The following RNF10 variants were observed in gnomAD, a reference collection of about 807,000 sequenced individuals.
RNF10 encodes the protein E3 ubiquitin-protein ligase RNF10.
A neutral mutation model predicts 91.4 loss-of-function variants in RNF10; 38 were observed. That is an observed-to-expected ratio of 0.42 (90% CI 0.32 to 0.54). RNF10 has a LOEUF of 0.54. Ranked by LOEUF, RNF10 falls within the 20% of genes least tolerant of loss-of-function variation. The pLI is 0.16. For synonymous variants in RNF10, 364 were observed against 366.3 expected (o/e 0.99, Z 0.07); for missense variants, 945 against 1,012.0 (o/e 0.93, Z 0.90).
rs552074205 is a variant in RNF10, at chr12:120,576,286, TGACTA to T, written c.2360-300_2360-296del. On this transcript the variant is annotated intron_variant, in intron 16 of 16. Coordinates refer to ENST00000325954, the MANE Select transcript of RNF10 (RefSeq NM_014868.5). ...CTCGAAGCCTGTTGCACTCTGTTCA[TGACTA>T]GACAAGAATCACATATGTATGGCGT... is the stretch of plus-strand genomic sequence containing the variant. Among the ~76,000 whole-genome samples, 753 of 152,362 alleles carry T rather than the reference TGACTA, an allele frequency of 4.9e-3. 3 individuals are homozygous for T. Among genetic ancestry groups the T allele is most frequent in the Middle Eastern group, 0.01 (3 of 294 alleles).
chr12:120,558,447 TATTA>T (rs1272818013), intron 6 of RNF10, among the ~76,000 whole-genome samples: 1 of 151,048 alleles, frequency 6.6e-6, no homozygotes, highest in East Asian at 1.9e-4. Context: ...TAAAAATGTG[TATTA>T]ATTAAAAAAA....
intron 4 of RNF10, among the ~76,000 whole-genome samples, chr12:120,556,134 T>C (rs551011560): frequency 1.3e-5 from 2 of 152,258 alleles, no homozygotes; most frequent in South Asian, 4.1e-4. Context: ...ACTGAAGTTA[T>C]AAACTCTAGG....
At position 120,575,906 on chromosome 12, in the gene RNF10, C is replaced by T; in HGVS notation, c.2315C>T (p.Ala772Val). The part of the protein sequence containing the change: ...QNSFSQAIEA[A>V]FMKLDTPATS... The stretch of plus-strand genomic sequence containing the variant: ...TCCTTCAGCCAAGCTATTGAAGCAG[C>T]CTTCATGAAACTGGACACACCAGCT... Residue 772 changes from alanine to valine, a missense_variant, in exon 16 of 17, where the codon GCC (alanine) becomes GTC (valine). Coordinates refer to ENST00000325954, the MANE Select transcript of RNF10 (RefSeq NM_014868.5). The T allele has an allele frequency of 6.2e-7, 1 of 1,614,114 alleles. No homozygotes were observed. Among genetic ancestry groups the T allele is most frequent in the Non-Finnish European group, 8.5e-7 (1 of 1,180,028 alleles).
intron 14 of RNF10, among the ~76,000 whole-genome samples, chr12:120,573,066 T>C (rs1296901855): frequency 6.6e-6 from 1 of 152,192 alleles, no homozygotes; most frequent in Non-Finnish European, 1.5e-5. Context: ...GCTTTCTCTT[T>C]TTTCTGTGTT....
intron 7 of RNF10, among the ~76,000 whole-genome samples, chr12:120,561,460 A>G (rs888779715): frequency 6.6e-6 from 1 of 152,150 alleles, no homozygotes; most frequent in African/African-American, 2.4e-5. Flanking sequence ...TAGGCTCAGT[A>G]ATTTGCATAT....
At chr12:120,542,863 A>G (rs1026378933) in intron 1 of RNF10, among the ~76,000 whole-genome samples, 2 of 152,098 alleles carry the variant, frequency 1.3e-5, no homozygotes, top group Non-Finnish European at 2.9e-5. Flanking sequence ...AATTGTAACT[A>G]AGGTAAGGGT....
intron 10 of RNF10, 37 bp downstream of exon 10, chr12:120,563,980 A>C (rs1363976079): frequency 6.2e-7 from 1 of 1,613,056 alleles, no homozygotes; most frequent in African/African-American, 1.3e-5. Context: ...GTCAGGCAGC[A>C]GTATTAACCT....
chr12:120,560,123 A>G (rs1459132205), intron 6 of RNF10, among the ~76,000 whole-genome samples: 1 of 144,904 alleles, frequency 6.9e-6, no homozygotes, highest in African/African-American at 2.5e-5. Flanking sequence ...GGTTGGTTTG[A>G]GCTTTTCTTT....
rs781211899 is a variant in RNF10, at chr12:120,552,662, A to G, written c.518A>G (p.His173Arg). 3 of 1,614,152 alleles carry G rather than the reference A, an allele frequency of 1.9e-6. No homozygotes were observed. Among genetic ancestry groups the G allele is most frequent in the Non-Finnish European group, 2.5e-6 (3 of 1,180,020 alleles). The change falls in exon 3 of 17, where the codon CAT becomes CGT. Residue 173 changes from histidine (H) to arginine (R), a missense_variant. His to Arg is a conservative substitution (Grantham distance 29). Coordinates refer to ENST00000325954, the MANE Select transcript of RNF10 (RefSeq NM_014868.5). ...TGGGGAAAGAGGAACAAGTGGGGAC[A>G]TAAGCCTTTTAACAAGGAACTCTTT... ...GSWGKRNKWG[H>R]KPFNKELFLQ...
chr12:120,558,117 A>G (rs1041683478), intron 6 of RNF10, among the ~76,000 whole-genome samples: 2 of 152,212 alleles, frequency 1.3e-5, no homozygotes, highest in African/African-American at 4.8e-5. Context: ...TTAAAATAGC[A>G]TTTCAGTCTC....
At chr12:120,568,964 TTCTTG>T (rs1351925588) in intron 13 of RNF10, among the ~76,000 whole-genome samples, 1 of 151,858 alleles carries the variant, frequency 6.6e-6, no homozygotes, top group Non-Finnish European at 1.5e-5. Context: ...TTCTCAGGCA[TTCTTG>T]TTTTGTTTTG....
intron 14 of RNF10, among the ~76,000 whole-genome samples, chr12:120,573,994 C>T (rs893376684): frequency 2.6e-5 from 4 of 152,296 alleles, no homozygotes; most frequent in Middle Eastern, 3.4e-3. Context: ...TCCCATCCCC[C>T]AGGGAGGGCA....
intron 7 of RNF10, 42 bp downstream of exon 7, chr12:120,560,928 C>T (rs559456466): frequency 1.1e-5 from 18 of 1,591,770 alleles, no homozygotes; most frequent in South Asian, 6.7e-5. Flanking sequence ...TTCACTTTCT[C>T]GGCGTTCTGT....
Position 120,534,675 on chromosome 12 carries a change from G to T in RNF10, c.-137G>T. 7.3e-7 allele frequency: 1 copy of T among 1,378,528 alleles called. No individual in the cohort carries two copies. Among genetic ancestry groups the T allele is most frequent in the Non-Finnish European group, 9.3e-7 (1 of 1,075,498 alleles). 85.4% of individuals were successfully genotyped at this position (1,378,528 alleles called of 1,614,324 possible). On this transcript the variant is annotated 5_prime_UTR_variant, in exon 1 of 17. The change creates a new upstream start codon in the 5' untranslated region. Transcript: ENST00000325954. ...CTTCCTAGTTTGAGAAGCCAAGGAA[G>T]GAAACAGGGAAAAATGTCGCCATGA...
Position 120,560,848 on chromosome 12 carries a change from G to A in RNF10, c.1090G>A (p.Glu364Lys). 5 of 1,614,154 alleles carry A rather than the reference G, an allele frequency of 3.1e-6. No homozygotes were observed. Among genetic ancestry groups the A allele is most frequent in the Middle Eastern group, 1.6e-4 (1 of 6,062 alleles). ...GCTGGCAGAGGAGAAGCACACTCCC[G>A]AGTCCTGCTTTATTGAGGCAGCTAT... is the stretch of plus-strand genomic sequence containing the variant. ...QQLAEEKHTP[E>K]SCFIEAAIQE... is the part of the protein sequence containing the mutation. Residue 364 changes from glutamate (E) to lysine (K), a missense_variant, in exon 7 of 17, where the codon GAG becomes AAG. Physicochemically the swap from Glu to Lys is moderately conservative, Grantham distance 56. Transcript: ENST00000325954.
chr12:120,544,558 G>A (rs1872030540), intron 1 of RNF10, among the ~76,000 whole-genome samples: 1 of 152,016 alleles, frequency 6.6e-6, no homozygotes, highest in South Asian at 2.1e-4. Flanking sequence ...TCAGGAGGCT[G>A]AAGTGGGAGG....
chr12:120,557,719 G>C, intron 6 of RNF10, 37 bp downstream of exon 6: 1 of 1,609,704 alleles, frequency 6.2e-7, no homozygotes, highest in Non-Finnish European at 8.5e-7. Context: ...ATAATCCTGG[G>C]TACATTCTTT....
In RNF10 at chr12:120,565,133, G is replaced by A; in HGVS notation, c.1727G>A (p.Cys576Tyr). The A allele has an allele frequency of 6.2e-7, 1 of 1,614,076 alleles. No individual in the cohort carries two copies. The highest frequency in any genetic ancestry group is 1.1e-5 in the South Asian group (1 of 91,086). ...CCACTCACCTGTGAGTTCAGCATCTGTGAACTGGCTTTGCAACCTCCTGTG... is the reference window on the plus strand; with the variant it reads ...CCACTCACCTGTGAGTTCAGCATCTATGAACTGGCTTTGCAACCTCCTGTG... ...HLPLTCEFSICELALQPPVVS... is the reference protein window; with the variant it reads ...HLPLTCEFSIYELALQPPVVS... The change falls in exon 11 of 17, where the codon TGT (cysteine) becomes TAT (tyrosine). Residue 576 changes from cysteine to tyrosine, a missense_variant. Physicochemically the swap from Cys to Tyr is radical, Grantham distance 194. Coordinates refer to ENST00000325954, the MANE Select transcript of RNF10 (RefSeq NM_014868.5).
At chr12:120,569,555 A>G (rs976169641) in intron 13 of RNF10, among the ~76,000 whole-genome samples, 10 of 12,698 alleles carry the variant, frequency 7.9e-4, no homozygotes, top group African/African-American at 1.9e-3. Flanking sequence ...TTTTTGAGAC[A>G]GGGTCTCGCT....
Sources: gnomAD v4.1 joint callset for allele counts (sites outside exome capture counted in the v4.1 genomes callset) on GRCh38, gnomAD v4.1.1 for gene constraint, MANE v1.5 for transcripts, NCBI Gene and HGNC (gene_info 2026-07-23, HGNC 2026-07-21) for gene names.